The following HYKK variants were observed in gnomAD, a reference collection of about 807,000 sequenced individuals.
HYKK encodes 5-hydroxy-L-lysine kinase.
A neutral mutation model predicts 29.7 loss-of-function variants in HYKK; 19 were observed. The observed-to-expected ratio is 0.64, with a 90% CI of 0.45 to 0.94. The LOEUF (loss-of-function observed/expected upper bound fraction) is 0.94. Ranked by LOEUF, HYKK falls within the 40% of genes least tolerant of loss-of-function variation. The probability of loss-of-function intolerance (pLI) is 0.00; values close to 1 mark genes in which losing one functional copy is unlikely to be tolerated. For synonymous variants in HYKK, 152 were observed against 158.1 expected (o/e 0.96, Z 0.29); for missense variants, 390 against 443.4 (o/e 0.88, Z 1.08).
In HYKK at chr15:78,507,670, C is replaced by G. The variant is rs2052026773; in HGVS notation, c.-7C>G. The G allele has an allele frequency of 6.6e-6, 1 of 152,340 alleles. No individual in the cohort carries two copies. The highest frequency in any genetic ancestry group is 2.4e-5 in the African/African-American group (1 of 41,470). 9.4% of individuals were successfully genotyped at this position (152,340 alleles called of 1,614,324 possible). On this transcript the variant is annotated splice_region_variant and 5_prime_UTR_variant, in exon 1 of 5. Transcript: ENST00000388988. ...CCACCCCAGGACGTCGGGTCGCTGC[C>G]GGTGAGCCAAGGAGGGGGAAGCAGA...
intron 3 of HYKK, among the ~76,000 whole-genome samples, chr15:78,515,921 T>A (rs1428706946): frequency 8.5e-5 from 13 of 152,118 alleles, no homozygotes; most frequent in Non-Finnish European, 1.9e-4. Flanking sequence ...AATAAATAAA[T>A]CTTACTGGTG....
intron 1 of HYKK, among the ~76,000 whole-genome samples, chr15:78,510,129 T>C (rs906537798): frequency 1.3e-5 from 2 of 151,632 alleles, no homozygotes; most frequent in Non-Finnish European, 2.9e-5. Flanking sequence ...TTTCTTTTCT[T>C]TCTTTCTTTC....
At position 78,514,979 on chromosome 15, in the gene HYKK, GAAATCAAA is replaced by G; in HGVS notation, c.351_358del (p.Ile118LeufsTer16). 2 of 1,562,396 alleles carry G rather than the reference GAAATCAAA, an allele frequency of 1.3e-6. No individual in the cohort carries two copies. The highest frequency in any genetic ancestry group is 1.7e-6 in the Non-Finnish European group (2 of 1,153,182). On this transcript the variant is annotated frameshift_variant, in exon 3 of 5. Transcript: ENST00000388988. LOFTEE classifies it high-confidence loss of function. The stretch of plus-strand genomic sequence containing the variant: ...TTCCATCCATTTAGATAGTGGCTCT[GAAATCAAA>G]AGCTACTTGGTGAGGCTGCTGACTT...
intron 3 of HYKK, chr15:78,518,919 A>AAAAAAAAAAAAAAAAACTG (rs1368288400): frequency 6.5e-6 from 1 of 153,162 alleles, no homozygotes; most frequent in Non-Finnish European, 1.5e-5. Flanking sequence ...TCTGTCTAAA[A>AAAAAAAAAAAAAAAAACTG]AAAAAAAAAA....
intron 4 of HYKK, among the ~76,000 whole-genome samples, chr15:78,529,586 T>G (rs1178738187): frequency 6.6e-6 from 1 of 152,244 alleles, no homozygotes; most frequent in Non-Finnish European, 1.5e-5. Context: ...CAATCTGATT[T>G]GTACATAATA....
chr15:78,518,214 G>C (rs756094455), intron 3 of HYKK, among the ~76,000 whole-genome samples: 1 of 152,126 alleles, frequency 6.6e-6, no homozygotes, highest in Non-Finnish European at 1.5e-5. Context: ...TTGAGACAGG[G>C]TCTCACTCTG....
chr15:78,524,468 C>T (rs961983291), intron 3 of HYKK, among the ~76,000 whole-genome samples: 1 of 152,206 alleles, frequency 6.6e-6, no homozygotes, highest in East Asian at 1.9e-4. Context: ...GTCCTCCTAA[C>T]CCTCCAGGCC....
In HYKK at chr15:78,534,875, G is replaced by A. The variant is rs899536893; in HGVS notation, c.*1205G>A. Reference sequence around the variant, plus strand: ...AGACTGATACCAGGAACCTCCTTAAGCATATAAGCATATATTTTTTAATTC... The same window carrying A: ...AGACTGATACCAGGAACCTCCTTAAACATATAAGCATATATTTTTTAATTC... On this transcript the variant is annotated 3_prime_UTR_variant, in exon 5 of 5. Transcript: ENST00000388988. 6.6e-6 allele frequency: 1 copy of A among 152,106 alleles called. No individual in the cohort carries two copies. Among genetic ancestry groups the A allele is most frequent in the African/African-American group, 2.4e-5 (1 of 41,422 alleles). The allele number at this position is 152,106 out of a possible 1,614,324, so 9.4% of individuals were successfully genotyped here. A position where few individuals can be genotyped will look rare whatever the true frequency, so the allele number is the denominator to read the frequency against.
chr15:78,524,463 C>G (rs2052228787), intron 3 of HYKK, among the ~76,000 whole-genome samples: 2 of 152,218 alleles, frequency 1.3e-5, no homozygotes, highest in East Asian at 3.8e-4. Flanking sequence ...ATCTTGTCCT[C>G]CTAACCCTCC....
chr15:78,510,391 G>T (rs201992281), intron 1 of HYKK, among the ~76,000 whole-genome samples: 1 of 151,720 alleles, frequency 6.6e-6, no homozygotes, highest in Non-Finnish European at 1.5e-5. Flanking sequence ...TAGAGATGGG[G>T]TTTCGCCATG....
At chr15:78,524,710 G>A (rs754320922) in intron 3 of HYKK, among the ~76,000 whole-genome samples, 1 of 152,170 alleles carries the variant, frequency 6.6e-6, no homozygotes, top group Non-Finnish European at 1.5e-5. Flanking sequence ...TGAGGAGGCT[G>A]AGGCAGGAGT....
chr15:78,508,309 A>C (rs1302853834), intron 1 of HYKK, among the ~76,000 whole-genome samples: 3 of 151,834 alleles, frequency 2.0e-5, no homozygotes, highest in Non-Finnish European at 4.4e-5. Context: ...GAGAATACAG[A>C]GATTGACTGG....
rs2052345356 is a variant in HYKK at position 78,534,616 on chromosome 15, T to C, written c.*946T>C. The C allele has an allele frequency of 6.6e-6, 1 of 152,160 alleles. No individual in the cohort carries two copies. Among genetic ancestry groups the C allele is most frequent in the Non-Finnish European group, 1.5e-5 (1 of 68,042 alleles). 9.4% of individuals were successfully genotyped at this position (152,160 alleles called of 1,614,324 possible). On this transcript the variant is annotated 3_prime_UTR_variant, in exon 5 of 5. Transcript: ENST00000388988. Reference sequence around the variant, plus strand: ...TCCTACAGAGAGGTCTTTAAAAATATTTGAAAATAAATGCGTGCTAGAAGA... The same window carrying C: ...TCCTACAGAGAGGTCTTTAAAAATACTTGAAAATAAATGCGTGCTAGAAGA...
At chr15:78,510,984 T>A (rs1380620689) in intron 1 of HYKK, among the ~76,000 whole-genome samples, 4 of 136,716 alleles carry the variant, frequency 2.9e-5, no homozygotes, top group East Asian at 2.1e-4. Context: ...TTTTTTTTTT[T>A]AAATAGAGAA....
At chr15:78,525,142 T>G (rs1236212348) in intron 3 of HYKK, among the ~76,000 whole-genome samples, 2 of 152,182 alleles carry the variant, frequency 1.3e-5, no homozygotes, top group Non-Finnish European at 2.9e-5. Flanking sequence ...GAGGAACTTT[T>G]TTTTTTTATT....
rs147775955 is a variant in HYKK at position 78,526,576 on chromosome 15, C to T, written c.478-804C>T. Among the ~76,000 whole-genome samples the T allele has an allele frequency of 6.7e-3, 1,026 of 152,258 alleles. 9 individuals carry two copies. The highest frequency in any genetic ancestry group is 0.023 in the African/African-American group (965 of 41,542). On this transcript the variant is annotated intron_variant, in intron 3 of 4. Transcript: ENST00000388988. ...AAAGCAAAAGGCTGTGAGGTGGGAACGTGCCTAGCATGTTCCTTGAACAAC... is the reference window on the plus strand; with the variant it reads ...AAAGCAAAAGGCTGTGAGGTGGGAATGTGCCTAGCATGTTCCTTGAACAAC...
downstream of HYKK, among the ~76,000 whole-genome samples, chr15:78,537,094 G>C (rs773425895): frequency 8.6e-5 from 13 of 152,044 alleles, no homozygotes; most frequent in Non-Finnish European, 1.6e-4. Flanking sequence ...CAAGCCTTTA[G>C]ACTCAAACTG....
intron 3 of HYKK, among the ~76,000 whole-genome samples, chr15:78,526,486 G>T (rs1415487052): frequency 6.6e-6 from 1 of 152,212 alleles, no homozygotes; most frequent in East Asian, 1.9e-4. Flanking sequence ...TAAAGACCTG[G>T]TAGAAATGAC....
At chr15:78,512,114 A>G (rs547921236) in intron 1 of HYKK, among the ~76,000 whole-genome samples, 4 of 152,320 alleles carry the variant, frequency 2.6e-5, no homozygotes, top group Non-Finnish European at 5.9e-5. Flanking sequence ...GTGTTGATTC[A>G]GTCATTTCAG....
Sources: gnomAD v4.1 joint callset for allele counts (sites outside exome capture counted in the v4.1 genomes callset) on GRCh38, gnomAD v4.1.1 for gene constraint, MANE v1.5 for transcripts, NCBI Gene and HGNC (gene_info 2026-07-23, HGNC 2026-07-21) for gene names.